The following ZNF654 variants were observed in gnomAD, a reference collection of about 807,000 sequenced individuals.
ZNF654 encodes zinc finger protein 654.
ZNF654 carries 19 observed loss-of-function variants against 95.3 expected under a neutral mutation model. The ratio of observed to expected loss-of-function variants is 0.20; its 90% CI spans 0.14 to 0.29. The LOEUF (loss-of-function observed/expected upper bound fraction) is 0.29. Among genes scored for constraint, ZNF654 ranks in the 10% least tolerant of loss-of-function variants. The probability of loss-of-function intolerance (pLI) is 1.00; values close to 1 mark genes in which losing one functional copy is unlikely to be tolerated. For missense variants in ZNF654, 1,046 were observed against 1,341.0 expected, an observed-to-expected ratio of 0.78 and a Z score of 3.44; for synonymous variants, 413 against 457.9, an observed-to-expected ratio of 0.90 and a Z score of 1.25.
chr3:88,086,456 A>G, intron 2 of ZNF654, 54 bp downstream of exon 2: 1 of 1,346,892 alleles, frequency 7.4e-7, no homozygotes, highest in Non-Finnish European at 9.6e-7. Context: ...GTGTTTGAGA[A>G]TTTGTTTTTG....
intron 2 of ZNF654, among the ~76,000 whole-genome samples, chr3:88,109,296 C>T (rs1458377555): frequency 3.3e-5 from 5 of 151,962 alleles, no homozygotes; most frequent in Non-Finnish European, 5.9e-5. Flanking sequence ...CAATCAAATG[C>T]TCTTTGTTAC....
intron 1 of ZNF654, among the ~76,000 whole-genome samples, chr3:88,079,578 C>A (rs1707978129): frequency 6.6e-6 from 1 of 151,898 alleles, no homozygotes; most frequent in Non-Finnish European, 1.5e-5. Flanking sequence ...TTGTGAATTA[C>A]CCATCAGTAA....
chr3:88,143,870 A>T lies in ZNF654; in HGVS notation c.*2218A>T, dbSNP rs913204036. On this transcript the variant is annotated 3_prime_UTR_variant, in exon 9 of 9. Coordinates refer to ENST00000636215, the MANE Select transcript of ZNF654 (RefSeq NM_001350134.2). ...AAATAGCTATTGAAAGAATGTGTTC[A>T]TTTTATTACATCTGTCTTTTAAAAC... The T allele has an allele frequency of 6.6e-6, 1 of 151,920 alleles. No individual in the cohort carries two copies. Among genetic ancestry groups the T allele is most frequent in the African/African-American group, 2.4e-5 (1 of 41,426 alleles). 9.4% of individuals were successfully genotyped at this position (151,920 alleles called of 1,614,324 possible). A position where few individuals can be genotyped will look rare whatever the true frequency, so the allele number is the denominator to read the frequency against.
intron 2 of ZNF654, among the ~76,000 whole-genome samples, chr3:88,091,916 C>T (rs1488547659): frequency 5.3e-5 from 8 of 152,148 alleles, no homozygotes; most frequent in African/African-American, 1.9e-4. Context: ...TCGGGTATTT[C>T]TTCATAGCAG....
At chr3:88,071,617 C>T (rs564462308) in intron 1 of ZNF654, among the ~76,000 whole-genome samples, 2 of 148,128 alleles carry the variant, frequency 1.4e-5, no homozygotes, top group South Asian at 4.4e-4. Flanking sequence ...GCCTGGGTGA[C>T]AGAGCGAGAC....
In ZNF654 at chr3:88,135,118, T is replaced by G; in HGVS notation, c.951T>G (p.Val317=). 1 of 1,483,676 alleles carries G rather than the reference T, an allele frequency of 6.7e-7. No individual in the cohort carries two copies. The allele number at this position is 1,483,676 out of a possible 1,614,324, so 91.9% of individuals were successfully genotyped here. The change falls in exon 7 of 9, where the codon GTT becomes GTG. Residue 317 remains valine (V), a synonymous_variant. Transcript: ENST00000636215. ...LQLKSNPSKQ[V]FVDQCYQLLR... Reference sequence around the variant, plus strand: ...TTAAATCTAATCCTTCAAAACAAGTTTTTGTAGATCAATGCTACCAGCTTT... The same window carrying G: ...TTAAATCTAATCCTTCAAAACAAGTGTTTGTAGATCAATGCTACCAGCTTT...
intron 1 of ZNF654, among the ~76,000 whole-genome samples, chr3:88,074,632 C>T (rs957825995): frequency 1.1e-4 from 17 of 152,160 alleles, no homozygotes; most frequent in Admixed American, 2.0e-4. Context: ...TGAGCCACTG[C>T]GCCCGGCCTG....
intron 3 of ZNF654, among the ~76,000 whole-genome samples, chr3:88,119,301 T>C (rs1379295107): frequency 2.6e-4 from 37 of 144,230 alleles, no homozygotes; most frequent in Non-Finnish European, 5.0e-4. Context: ...AACCAAACAC[T>C]GCATATTCTC....
chr3:88,070,616 T>G lies in ZNF654; in HGVS notation c.186+11111T>G, dbSNP rs1707458493. Among the ~76,000 whole-genome samples the G allele has an allele frequency of 2.0e-5, 3 of 146,380 alleles. No individual in the cohort carries two copies. The East Asian group carries it at 6.0e-4, about 29-fold the overall frequency. ...CAGATCATATTGGTGTTTGCCCATT[T>G]AATTTTATATACTCTGTGATTGCTT... On this transcript the variant is annotated intron_variant, in intron 1 of 8. Transcript: ENST00000636215.
At chr3:88,119,559 A>C (rs1428522676) in intron 3 of ZNF654, among the ~76,000 whole-genome samples, 4 of 152,076 alleles carry the variant, frequency 2.6e-5, no homozygotes, top group Non-Finnish European at 5.9e-5. Flanking sequence ...TAAAAAAAAA[A>C]AAACAATAAT....
chr3:88,138,648 A>G (rs1167742414), intron 7 of ZNF654, 57 bp from the exon 8 acceptor site: 22 of 1,025,202 alleles, frequency 2.1e-5, no homozygotes, highest in Admixed American at 4.3e-5. Flanking sequence ...AAGATAGACT[A>G]GTATAACCAT....
chr3:88,131,720 A>T (rs1706475585), intron 6 of ZNF654, among the ~76,000 whole-genome samples: 1 of 151,990 alleles, frequency 6.6e-6, no homozygotes, highest in South Asian at 2.1e-4. Flanking sequence ...CCTTCCTTCT[A>T]AATAGCGTGG....
chr3:88,122,775 C>T (rs756269020), intron 3 of ZNF654, among the ~76,000 whole-genome samples: 39 of 151,876 alleles, frequency 2.6e-4, no homozygotes, highest in Admixed American at 4.6e-4. Flanking sequence ...TTTGGGAAAC[C>T]GAGGTGGGCA....
chr3:88,072,042 T>C (rs933468465), intron 1 of ZNF654, among the ~76,000 whole-genome samples: 2 of 152,280 alleles, frequency 1.3e-5, no homozygotes, highest in Middle Eastern at 6.8e-3. Flanking sequence ...AATCTACATA[T>C]ATAAAGTACA....
chr3:88,106,346 GT>G (rs1002845793), intron 2 of ZNF654, among the ~76,000 whole-genome samples: 1 of 151,738 alleles, frequency 6.6e-6, no homozygotes, highest in South Asian at 2.1e-4. Flanking sequence ...TTATCTTTTT[GT>G]TTTTTTGGAA....
At chr3:88,075,820 A>G (rs1707770820) in intron 1 of ZNF654, among the ~76,000 whole-genome samples, 1 of 151,866 alleles carries the variant, frequency 6.6e-6, no homozygotes, top group Admixed American at 6.6e-5. Flanking sequence ...AATGTTAGAG[A>G]AGGAAAGTCA....
chr3:88,104,892 A>C (rs1483816634), intron 2 of ZNF654, among the ~76,000 whole-genome samples: 2 of 152,236 alleles, frequency 1.3e-5, no homozygotes, highest in Non-Finnish European at 2.9e-5. Context: ...TAATCCCAGC[A>C]CTTTGGAAGG....
intron 3 of ZNF654, among the ~76,000 whole-genome samples, chr3:88,119,786 TATTA>T (rs1349740919): frequency 1.3e-5 from 2 of 152,198 alleles, no homozygotes; most frequent in African/African-American, 4.8e-5. Context: ...ATGATAGCCA[TATTA>T]ATTCATTACT....
rs1008900028 is a variant in ZNF654 at position 88,139,706 on chromosome 3, T to C, written c.2037T>C (p.Asn679=). Residue 679 remains asparagine (N), a synonymous_variant, in exon 8 of 9, where the codon AAT becomes AAC. Coordinates refer to ENST00000636215, the MANE Select transcript of ZNF654 (RefSeq NM_001350134.2). ...PEDVIENVIE[N]GSPNNSLNNV... is the part of the protein sequence containing the mutation. ...ATGTTATTGAAAATGTTATTGAAAA[T>C]GGCAGTCCTAATAATTCTTTAAATA... The C allele has an allele frequency of 7.0e-6, 11 of 1,576,910 alleles. No individual in the cohort carries two copies. The African/African-American group carries it at 8.1e-5, about 12-fold the overall frequency.
Sources: gnomAD v4.1 joint callset for allele counts (sites outside exome capture counted in the v4.1 genomes callset) on GRCh38, gnomAD v4.1.1 for gene constraint, MANE v1.5 for transcripts, NCBI Gene and HGNC (gene_info 2026-07-23, HGNC 2026-07-21) for gene names.